UBTD1: variants seen among roughly 807,000 people sequenced by gnomAD.
The protein encoded by UBTD1 is ubiquitin domain-containing protein 1.
A neutral mutation model predicts 21.7 loss-of-function variants in UBTD1; 19 were observed. The ratio of observed to expected loss-of-function variants is 0.87; its 90% CI spans 0.61 to 1.28. The LOEUF (loss-of-function observed/expected upper bound fraction) is 1.28, where lower values mean the gene tolerates loss of function less well. Among genes scored for constraint, UBTD1 ranks in the 50% most tolerant of loss-of-function variants. UBTD1 has a pLI of 0.00. For missense variants in UBTD1, 282 were observed against 315.1 expected (o/e 0.89, Z 0.80); for synonymous variants, 116 against 135.1 (o/e 0.86, Z 0.98).
At chr10:97,528,928 G>A (rs1169909080) in intron 1 of UBTD1, among the ~76,000 whole-genome samples, 2 of 150,120 alleles carry the variant, frequency 1.3e-5, no homozygotes, top group African/African-American at 2.5e-5. Context: ...TGGATGGGGC[G>A]GCTGGCCTGG....
chr10:97,550,997 T>TA (rs962513754), intron 1 of UBTD1, among the ~76,000 whole-genome samples: 9 of 152,322 alleles, frequency 5.9e-5, no homozygotes, highest in Non-Finnish European at 1.3e-4. Context: ...GTTGAACTGT[T>TA]TGTTAAGATG....
In UBTD1 at chr10:97,568,241, A is replaced by T; in HGVS notation, c.298+100A>T. On this transcript the variant is annotated intron_variant, in intron 2 of 2. Transcript: ENST00000370664. ...GTGTGGAGCGGTGGGGCAGGTGGTT[A>T]CTCACGTATTCATTCATTCAAGCAC... 5.6e-6 allele frequency: 7 copies of T among 1,254,896 alleles called. No homozygotes were observed. In the South Asian group the frequency reaches 7.8e-5, roughly 14 times the overall value. The allele number at this position is 1,254,896 out of a possible 1,614,324, so 77.7% of individuals were successfully genotyped here.
intron 1 of UBTD1, among the ~76,000 whole-genome samples, chr10:97,535,473 G>A (rs1056144051): frequency 4.6e-5 from 7 of 152,096 alleles, no homozygotes; most frequent in South Asian, 2.1e-4. Flanking sequence ...AAATTAGCTG[G>A]GCGTGGTGGC....
chr10:97,511,634 T>C lies in UBTD1; in HGVS notation c.70+12361T>C, dbSNP rs914024764. ...GGACACAGACCACACTGTCCTCTGT[T>C]ATATGGGATACTACACATGGCATTG... is the stretch of plus-strand genomic sequence containing the variant. On this transcript the variant is annotated intron_variant, in intron 1 of 2. Coordinates refer to ENST00000370664, the MANE Select transcript of UBTD1 (RefSeq NM_024954.5). Among the ~76,000 whole-genome samples, 19 of 152,270 alleles carry C rather than the reference T, an allele frequency of 1.2e-4. No individual in the cohort carries two copies. The South Asian group carries it at 3.7e-3, about 30-fold the overall frequency.
chr10:97,537,154 C>T (rs941233482), intron 1 of UBTD1, among the ~76,000 whole-genome samples: 2 of 152,152 alleles, frequency 1.3e-5, no homozygotes, highest in African/African-American at 4.8e-5. Context: ...TTCTCAGCCC[C>T]TTGAGTGCCC....
chr10:97,513,389 G>A lies in UBTD1; in HGVS notation c.70+14116G>A, dbSNP rs112769817. The stretch of plus-strand genomic sequence containing the variant: ...CAAGTTGAGACAAAGGCAACATGTA[G>A]ACCCTTTTAACAAGAGTTGGGATGA... On this transcript the variant is annotated intron_variant, in intron 1 of 2. Transcript: ENST00000370664. Among the ~76,000 whole-genome samples the A allele has an allele frequency of 6.0e-4, 91 of 152,326 alleles. 1 individual carries two copies. The highest frequency in any genetic ancestry group is 1.7e-3 in the African/African-American group (72 of 41,566).
At chr10:97,544,129 T>C (rs757696736) in intron 1 of UBTD1, among the ~76,000 whole-genome samples, 1 of 151,566 alleles carries the variant, frequency 6.6e-6, no homozygotes, top group African/African-American at 2.4e-5. Context: ...TAAAAAAATT[T>C]AAAAAAATAC....
At chr10:97,556,713 G>A (rs1448526375) in intron 1 of UBTD1, among the ~76,000 whole-genome samples, 2 of 152,192 alleles carry the variant, frequency 1.3e-5, no homozygotes, top group African/African-American at 4.8e-5. Flanking sequence ...ACTTAATGGT[G>A]CCAATTACAC....
intron 2 of UBTD1, among the ~76,000 whole-genome samples, chr10:97,569,401 A>G (rs2040733938): frequency 6.6e-6 from 1 of 152,226 alleles, no homozygotes; most frequent in African/African-American, 2.4e-5. Flanking sequence ...CTGTAACCCC[A>G]GCACCTGGCA....
At chr10:97,532,889 G>A (rs111931220) in intron 1 of UBTD1, among the ~76,000 whole-genome samples, 44 of 152,106 alleles carry the variant, frequency 2.9e-4, no homozygotes, top group African/African-American at 9.9e-4. Flanking sequence ...TCTTATTTCC[G>A]GTGTGTCTCG....
chr10:97,510,416 A>G (rs1242003313), intron 1 of UBTD1, among the ~76,000 whole-genome samples: 1 of 152,202 alleles, frequency 6.6e-6, no homozygotes, highest in Admixed American at 6.5e-5. Context: ...CTCATTAGCT[A>G]TGTAACCTCG....
intron 1 of UBTD1, among the ~76,000 whole-genome samples, chr10:97,540,389 A>G (rs558621175): frequency 2.0e-4 from 31 of 152,362 alleles, no homozygotes; most frequent in African/African-American, 7.0e-4. Flanking sequence ...GACACTCAGG[A>G]GACGCAGTAT....
intron 1 of UBTD1, among the ~76,000 whole-genome samples, chr10:97,519,364 A>G (rs2040457552): frequency 3.3e-5 from 5 of 152,250 alleles, no homozygotes; most frequent in Non-Finnish European, 7.3e-5. Flanking sequence ...AAGGGGCTAC[A>G]GAGGAAGAAA....
intron 1 of UBTD1, among the ~76,000 whole-genome samples, chr10:97,548,408 C>T (rs1423365365): frequency 2.6e-5 from 4 of 152,172 alleles, no homozygotes; most frequent in Non-Finnish European, 5.9e-5. Context: ...AAGGGAAGTG[C>T]GGTAATTCCC....
chr10:97,565,549 G>A (rs1474640601), intron 1 of UBTD1, among the ~76,000 whole-genome samples: 1 of 152,064 alleles, frequency 6.6e-6, no homozygotes, highest in Non-Finnish European at 1.5e-5. Context: ...CTGCTTGGGA[G>A]GCTGCTGGGG....
chr10:97,512,328 G>A (rs2040426260), intron 1 of UBTD1, among the ~76,000 whole-genome samples: 1 of 152,144 alleles, frequency 6.6e-6, no homozygotes, highest in Admixed American at 6.5e-5. Flanking sequence ...ACCCCAGGCT[G>A]ACTCCTCCAT....
In UBTD1 at chr10:97,570,269, A is replaced by G. The variant is rs775775208; in HGVS notation, c.430A>G (p.Ser144Gly). Residue 144 changes from serine to glycine, a missense_variant, in exon 3 of 3, where the codon AGC becomes GGC. Transcript: ENST00000370664. This position sits in a 1 kb window ranked among gnomAD's most constrained non-coding sequence, Gnocchi z 6.6. The stretch of plus-strand genomic sequence containing the variant: ...CCTGGAGCCCCCCGAGCCTCCACCC[A>G]GCGTGCGCCGTGAGTTCCCGCTGAA... ...ESLEPPEPPP[S>G]VRREFPLKVR... 1.3e-5 allele frequency: 21 copies of G among 1,613,050 alleles called. No individual in the cohort carries two copies. The Admixed American group carries it at 3.5e-4, about 27-fold the overall frequency.
intron 1 of UBTD1, among the ~76,000 whole-genome samples, chr10:97,535,255 G>C (rs115709922): frequency 1.4e-3 from 218 of 152,304 alleles, no homozygotes; most frequent in African/African-American, 5.1e-3. Context: ...ATGCTGATAA[G>C]ACATATCAAC....
At chr10:97,561,221 C>T (rs553835277) in intron 1 of UBTD1, among the ~76,000 whole-genome samples, 2 of 152,254 alleles carry the variant, frequency 1.3e-5, no homozygotes, top group Non-Finnish European at 2.9e-5. Flanking sequence ...CTCAGGCTGG[C>T]CGGAGTTCCC....
Sources: gnomAD v4.1 joint callset for allele counts (sites outside exome capture counted in the v4.1 genomes callset) on GRCh38, gnomAD v4.1.1 for gene constraint, Gnocchi (gnomAD v3.1) non-coding constraint, MANE v1.5 for transcripts, NCBI Gene and HGNC (gene_info 2026-07-23, HGNC 2026-07-21) for gene names.